Variants in VCAN observed in about 807,000 individuals in gnomAD.
VCAN encodes versican.
VCAN carries 44 observed loss-of-function variants against 245.5 expected under a neutral mutation model. That is an observed-to-expected ratio of 0.18 (90% CI 0.14 to 0.23). The LOEUF is 0.23. VCAN is among the 10% of genes least tolerant of loss of function. The pLI is 1.00. For synonymous variants in VCAN, 1,413 were observed against 1,437.0 expected (o/e 0.98, Z 0.38); for missense variants, 3,793 against 4,057.9 (o/e 0.93, Z 1.77).
In VCAN at chr5:83,539,240, G is replaced by T; in HGVS notation, c.6237G>T (p.Lys2079Asn). Reference protein sequence around the residue: ...TKAPVEKEEVKVSGTVSTNFP... With the variant: ...TKAPVEKEEVNVSGTVSTNFP... Reference sequence around the variant, plus strand: ...CTCCAGTAGAGAAGGAGGAAGTAAAGGTCAGTGGCACAGTTTCAACAAACT... The same window carrying T: ...CTCCAGTAGAGAAGGAGGAAGTAAATGTCAGTGGCACAGTTTCAACAAACT... The change falls in exon 8 of 15, where the codon AAG (lysine) becomes AAT (asparagine). Residue 2079 changes from lysine to asparagine, a missense_variant. This residue lies in a region of VCAN where 3,182 missense variants were observed against 3,250.3 expected (regional missense o/e 0.98). Coordinates refer to ENST00000265077, the MANE Select transcript of VCAN (RefSeq NM_004385.5). The T allele has an allele frequency of 1.2e-6, 2 of 1,614,036 alleles. No homozygotes were observed. Among genetic ancestry groups the T allele is most frequent in the Non-Finnish European group, 1.7e-6 (2 of 1,179,990 alleles).
intron 12 of VCAN, among the ~76,000 whole-genome samples, chr5:83,571,843 T>A (rs1748302252): frequency 6.6e-6 from 1 of 152,156 alleles, no homozygotes; most frequent in Non-Finnish European, 1.5e-5. Flanking sequence ...TTAGCATAGG[T>A]ATGTCAGATA....
At chr5:83,571,647 A>C (rs1191290358) in intron 12 of VCAN, among the ~76,000 whole-genome samples, 4 of 152,112 alleles carry the variant, frequency 2.6e-5, no homozygotes, top group East Asian at 1.9e-4. Context: ...ATTACACACA[A>C]AAAAAATCTG....
intron 12 of VCAN, among the ~76,000 whole-genome samples, chr5:83,556,142 T>C (rs746052758): frequency 6.6e-6 from 1 of 152,200 alleles, no homozygotes; most frequent in Non-Finnish European, 1.5e-5. Flanking sequence ...GCCACTGTAT[T>C]AAGCACTTGC....
intron 2 of VCAN, among the ~76,000 whole-genome samples, chr5:83,486,627 A>G (rs1289522564): frequency 1.3e-5 from 2 of 152,230 alleles, no homozygotes; most frequent in African/African-American, 2.4e-5. Flanking sequence ...TTCAGCTGAA[A>G]TTTAGACTTT....
chr5:83,508,990 G>T (rs1277102232), intron 5 of VCAN, among the ~76,000 whole-genome samples: 1 of 151,756 alleles, frequency 6.6e-6, no homozygotes, highest in Non-Finnish European at 1.5e-5. Flanking sequence ...AATAGCCACT[G>T]CACTCCTGCC....
rs1747684973 is a variant in VCAN at position 83,556,793 on chromosome 5, T to C, written c.9735+1755T>C. 2.0e-5 allele frequency among the ~76,000 whole-genome samples: 3 copies of C among 152,212 alleles called. No individual in the cohort carries two copies. The South Asian group carries it at 6.2e-4, about 32-fold the overall frequency. ...ATTTAATTTCTAAGTGAACATATGA[T>C]TCAGAGATTGTTTCTATATATTATA... On this transcript the variant is annotated intron_variant, in intron 12 of 14. Coordinates refer to ENST00000265077, the MANE Select transcript of VCAN (RefSeq NM_004385.5).
At chr5:83,563,726 C>A (rs934917386) in intron 12 of VCAN, among the ~76,000 whole-genome samples, 1 of 152,042 alleles carries the variant, frequency 6.6e-6, no homozygotes. Flanking sequence ...GCAATATGGG[C>A]CCCAGGTGAT....
At chr5:83,489,749 C>T (rs1035657090) in intron 2 of VCAN, among the ~76,000 whole-genome samples, 1 of 152,014 alleles carries the variant, frequency 6.6e-6, no homozygotes, top group Non-Finnish European at 1.5e-5. Context: ...GTCCTTTAAA[C>T]CTGCCCTACG....
Position 83,483,570 on chromosome 5 carries a change from A to T in VCAN, c.52A>T (p.Thr18Ser). 1 of 1,613,466 alleles carries T rather than the reference A, an allele frequency of 6.2e-7. No homozygotes were observed. Among genetic ancestry groups the T allele is most frequent in the Non-Finnish European group, 8.5e-7 (1 of 1,179,592 alleles). The stretch of plus-strand genomic sequence containing the variant: ...ATGGATGTGTTCAACCTTAATAGTA[A>T]CCCATGCGCTACATAAAGGTGAGTG... ...ILWMCSTLIVTHALHKVKVGK... is the reference protein window; with the variant it reads ...ILWMCSTLIVSHALHKVKVGK... Residue 18 changes from threonine (T) to serine (S), a missense_variant, in exon 2 of 15, where the codon ACC becomes TCC. Physicochemically the swap from Thr to Ser is moderately conservative, Grantham distance 58. This residue lies in a region of VCAN where 179 missense variants were observed against 169.7 expected (regional missense o/e 1.05). Coordinates refer to ENST00000265077, the MANE Select transcript of VCAN (RefSeq NM_004385.5).
In VCAN at chr5:83,542,332, T is replaced by G. The variant is rs553629572; in HGVS notation, c.9265+64T>G. 4.0e-5 allele frequency: 61 copies of G among 1,506,690 alleles called. No individual in the cohort carries two copies. In the East Asian group the frequency reaches 1.2e-3, roughly 29 times the overall value. The allele number at this position is 1,506,690 out of a possible 1,614,324, so 93.3% of individuals were successfully genotyped here. On this transcript the variant is annotated intron_variant, in intron 8 of 14. Transcript: ENST00000265077. ...GAAACAGTCCCTTGGTGCTAACGTT[T>G]ATATGTATGTAATTTTTATTGTGAT...
In VCAN at chr5:83,519,933, G is replaced by T. The variant is rs372953890; in HGVS notation, c.1627G>T (p.Val543Leu). ...KKMVSTVSEL[V>L]TTGHYGFTLG... ...AATGGTAAGCACTGTTTCTGAATTGGTAACCACAGGTCACTATGGATTCAC... is the reference window on the plus strand; with the variant it reads ...AATGGTAAGCACTGTTTCTGAATTGTTAACCACAGGTCACTATGGATTCAC... The change falls in exon 7 of 15, where the codon GTA becomes TTA. Residue 543 changes from valine to leucine, a missense_variant. Val to Leu is a conservative substitution (Grantham distance 32). Coordinates refer to ENST00000265077, the MANE Select transcript of VCAN (RefSeq NM_004385.5). 13 of 1,614,064 alleles carry T rather than the reference G, an allele frequency of 8.1e-6. 1 individual carries two copies. Among genetic ancestry groups the T allele is most frequent in the South Asian group, 6.6e-5 (6 of 91,074 alleles).
chr5:83,497,120 G>A (rs1745181599), intron 5 of VCAN, among the ~76,000 whole-genome samples: 2 of 152,108 alleles, frequency 1.3e-5, no homozygotes, highest in Admixed American at 6.6e-5. Flanking sequence ...GAACCAAGGT[G>A]CAATTAATTT....
chr5:83,498,576 C>A (rs1393946158), intron 5 of VCAN, among the ~76,000 whole-genome samples: 2 of 152,094 alleles, frequency 1.3e-5, no homozygotes, highest in African/African-American at 2.4e-5. Flanking sequence ...TGTTTAATTT[C>A]ATTTTTGTTC....
At chr5:83,569,569 A>C (rs1748210784) in intron 12 of VCAN, among the ~76,000 whole-genome samples, 1 of 152,190 alleles carries the variant, frequency 6.6e-6, no homozygotes, top group Non-Finnish European at 1.5e-5. Context: ...GGATGGTAGA[A>C]TATGATAAAT....
At chr5:83,507,933 A>C (rs1189365086) in intron 5 of VCAN, among the ~76,000 whole-genome samples, 1 of 152,216 alleles carries the variant, frequency 6.6e-6, no homozygotes, top group Non-Finnish European at 1.5e-5. Flanking sequence ...GTTTTTAATG[A>C]GATACGGGGT....
chr5:83,556,641 GC>G (rs1747677713), intron 12 of VCAN, among the ~76,000 whole-genome samples: 1 of 152,006 alleles, frequency 6.6e-6, no homozygotes, highest in African/African-American at 2.4e-5. Context: ...TGCAATTGTT[GC>G]CTCTTTATGT....
rs975705936 is a variant in VCAN, at chr5:83,493,715, T to A, written c.615T>A (p.Thr205=). 3 of 1,614,148 alleles carry A rather than the reference T, an allele frequency of 1.9e-6. No homozygotes were observed. Among genetic ancestry groups the A allele is most frequent in the Admixed American group, 1.7e-5 (1 of 60,024 alleles). Residue 205 remains threonine (T), a synonymous_variant, in exon 4 of 15, where the codon ACT becomes ACA. Transcript: ENST00000265077. ...QCDAGWLADQ[T]VRYPIRAPRV... is the part of the protein sequence containing the mutation. ...ACGCAGGCTGGCTGGCTGATCAGAC[T>A]GTCAGGTAAGAGGTCTGGGGGCCAC...
At chr5:83,572,372 C>T (rs1037906298) in intron 12 of VCAN, 44 bp from the exon 13 acceptor site, 3 of 1,612,314 alleles carry the variant, frequency 1.9e-6, no homozygotes, top group African/African-American at 2.7e-5. Context: ...TCTTACGTTA[C>T]TTTTTGACTA....
intron 5 of VCAN, among the ~76,000 whole-genome samples, chr5:83,506,021 A>G (rs1416908927): frequency 1.3e-5 from 2 of 152,200 alleles, no homozygotes; most frequent in African/African-American, 2.4e-5. Context: ...CCCAAGCTGC[A>G]TACAGCACGG....
Sources: allele counts gnomAD v4.1 joint callset (sites outside exome capture counted in the v4.1 genomes callset), GRCh38; gene constraint gnomAD v4.1.1; regional missense constraint gnomAD v4.1.1; transcripts MANE v1.5; gene names NCBI Gene and HGNC (gene_info 2026-07-23, HGNC 2026-07-21).